VAV1: variants seen among roughly 807,000 people sequenced by gnomAD.
VAV1 encodes the protein vav guanine nucleotide exchange factor 1.
In VAV1, 33 loss-of-function variants were observed where a neutral mutation model predicts 128.1. That is an observed-to-expected ratio of 0.26 (90% CI 0.20 to 0.34). The LOEUF (loss-of-function observed/expected upper bound fraction) is 0.34, where lower values mean the gene tolerates loss of function less well. VAV1 is among the 10% of genes least tolerant of loss of function. The pLI, the probability that VAV1 is intolerant of heterozygous loss-of-function variation, is 1.00. For missense variants in VAV1, 715 were observed against 1,093.7 expected, an observed-to-expected ratio of 0.65 and a Z score of 4.88; for synonymous variants, 394 against 409.8, an observed-to-expected ratio of 0.96 and a Z score of 0.47.
chr19:6,827,817 C>T lies in VAV1; in HGVS notation c.928-259C>T, dbSNP rs1004642829. Among the ~76,000 whole-genome samples, 8 of 149,982 alleles carry T rather than the reference C, an allele frequency of 5.3e-5. No individual in the cohort carries two copies. In the Admixed American group the frequency reaches 5.3e-4, roughly 10 times the overall value. ...GTTTCCCCGTGTTGGCCAGGCTGGT[C>T]TTGAACTCCTGACCTCAAGTGATCC... On this transcript the variant is annotated intron_variant, in intron 9 of 26. Coordinates refer to ENST00000602142, the MANE Select transcript of VAV1 (RefSeq NM_005428.4).
chr19:6,833,888 T>C lies in VAV1; in HGVS notation c.1732-20T>C. The C allele has an allele frequency of 6.2e-7, 1 of 1,614,142 alleles. No homozygotes were observed. Among genetic ancestry groups the C allele is most frequent in the Non-Finnish European group, 8.5e-7 (1 of 1,180,024 alleles). On this transcript the variant is annotated intron_variant, in intron 18 of 26. Transcript: ENST00000602142. ...CAGGCTGGGCATAGGTAGACAGGCT[T>C]TCTTTGTTTCTCCTTCCAGGACAAA...
At chr19:6,836,791 G>A (rs1229374760) in intron 20 of VAV1, among the ~76,000 whole-genome samples, 194 bp from the exon 21 acceptor site, 1 of 150,924 alleles carries the variant, frequency 6.6e-6, no homozygotes, top group Admixed American at 6.6e-5. Context: ...AGGCCATCCT[G>A]AGATAGATGG....
At chr19:6,844,466 C>T (rs907549124) in intron 22 of VAV1, among the ~76,000 whole-genome samples, 4 of 152,174 alleles carry the variant, frequency 2.6e-5, no homozygotes, top group Non-Finnish European at 4.4e-5. Context: ...ATCCACTCGC[C>T]TCAGCCTCCC....
chr19:6,794,017 T>C (rs560551181), intron 1 of VAV1, among the ~76,000 whole-genome samples: 1 of 96,344 alleles, frequency 1.0e-5, no homozygotes, highest in South Asian at 3.1e-4. Context: ...ATAAATGATT[T>C]ATTTACCAAT....
chr19:6,842,940 T>C (rs1208971334), intron 21 of VAV1, among the ~76,000 whole-genome samples, 195 bp from the exon 22 acceptor site: 1 of 152,188 alleles, frequency 6.6e-6, no homozygotes, highest in African/African-American at 2.4e-5. Flanking sequence ...ACCCCTGCTT[T>C]ATATGATACT....
chr19:6,817,895 C>T (rs920693256), intron 1 of VAV1, among the ~76,000 whole-genome samples: 18 of 152,100 alleles, frequency 1.2e-4, no homozygotes, highest in Non-Finnish European at 2.1e-4. Context: ...ACCGTGTTAG[C>T]CAGGATGGTC....
Position 6,822,349 on chromosome 19 carries a change from G to A in VAV1, c.558+20G>A. On this transcript the variant is annotated intron_variant, in intron 5 of 26. Transcript: ENST00000602142. The surrounding 1 kb of genome is among the most constrained non-coding windows in gnomAD (Gnocchi z 5.9). ...ATGCCGGTGCGTGACGTGGAGGGTC[G>A]GGCCTGGGGAGGGCGTGGGCGGGGG... 6.4e-7 allele frequency: 1 copy of A among 1,562,946 alleles called. No individual in the cohort carries two copies. Among genetic ancestry groups the A allele is most frequent in the South Asian group, 1.2e-5 (1 of 85,058 alleles).
At chr19:6,788,612 A>C (rs1970948143) in intron 1 of VAV1, among the ~76,000 whole-genome samples, 1 of 152,030 alleles carries the variant, frequency 6.6e-6, no homozygotes, top group Admixed American at 6.6e-5. Flanking sequence ...ACCTCACGTG[A>C]TCTGCCCACC....
At chr19:6,788,384 T>G (rs1327234880) in intron 1 of VAV1, among the ~76,000 whole-genome samples, 1 of 143,268 alleles carries the variant, frequency 7.0e-6, no homozygotes, top group Non-Finnish European at 1.5e-5. Flanking sequence ...ATTATTATTA[T>G]TATTTTGAGA....
intron 1 of VAV1, among the ~76,000 whole-genome samples, chr19:6,774,426 C>G (rs1464238453): frequency 8.1e-5 from 10 of 123,250 alleles, no homozygotes; most frequent in Middle Eastern, 5.1e-3. Context: ...CCGCGCCCAG[C>G]CTTTTTTTTT....
chr19:6,855,546 A>T lies in VAV1; in HGVS notation c.2484+1448A>T, dbSNP rs148722167. ...ACCCTTCCACTCACGCATCTATCTA[A>T]CCATCTATCCACCTACCCACCCATT... On this transcript the variant is annotated intron_variant, in intron 26 of 26. Transcript: ENST00000602142. Among the ~76,000 whole-genome samples, 1,019 of 151,914 alleles carry T rather than the reference A, an allele frequency of 6.7e-3. 11 individuals carry two copies. Among genetic ancestry groups the T allele is most frequent in the African/African-American group, 0.024 (980 of 41,446 alleles).
chr19:6,796,722 C>T (rs1971144300), intron 1 of VAV1, among the ~76,000 whole-genome samples: 1 of 152,130 alleles, frequency 6.6e-6, no homozygotes. Context: ...TTTAAAATTG[C>T]ACCCCCTCCT....
At chr19:6,797,186 T>G (rs1971154959) in intron 1 of VAV1, among the ~76,000 whole-genome samples, 1 of 148,750 alleles carries the variant, frequency 6.7e-6, no homozygotes, top group Non-Finnish European at 1.5e-5. Context: ...GAGCCGAGAT[T>G]GCAGCACTGC....
chr19:6,784,036 T>C, intron 1 of VAV1: 2 of 402,700 alleles, frequency 5.0e-6, no homozygotes, highest in Non-Finnish European at 8.8e-6. Context: ...GGAGGATTGC[T>C]TGAGGCTAGG....
intron 1 of VAV1, among the ~76,000 whole-genome samples, chr19:6,783,470 CTT>C (rs61101390): frequency 8.8e-5 from 10 of 113,828 alleles, no homozygotes; most frequent in Non-Finnish European, 8.7e-5. Flanking sequence ...CACCTCCATC[CTT>C]TTTTTTTTTT....
intron 1 of VAV1, among the ~76,000 whole-genome samples, chr19:6,816,121 G>A (rs1282129704): frequency 1.3e-5 from 2 of 149,686 alleles, no homozygotes; most frequent in South Asian, 2.1e-4. Flanking sequence ...CTGGGTTCAC[G>A]CCATTCTCCT....
chr19:6,803,526 G>A (rs942081959), intron 1 of VAV1, among the ~76,000 whole-genome samples: 7 of 152,204 alleles, frequency 4.6e-5, no homozygotes, highest in East Asian at 3.9e-4. Context: ...CTACTTCCTC[G>A]TATGGATAAA....
At chr19:6,795,391 C>T (rs1266556001) in intron 1 of VAV1, among the ~76,000 whole-genome samples, 4 of 152,100 alleles carry the variant, frequency 2.6e-5, no homozygotes, top group Non-Finnish European at 5.9e-5. Flanking sequence ...AGGAGCCCTA[C>T]TTCATTGCAG....
chr19:6,833,480 T>C, intron 16 of VAV1, 48 bp from the exon 17 acceptor site: 3 of 1,530,380 alleles, frequency 2.0e-6, no homozygotes, highest in Non-Finnish European at 1.8e-6. Flanking sequence ...TATTTGGCCC[T>C]GTCTGTAAAG....
Sources: allele counts gnomAD v4.1 joint callset (sites outside exome capture counted in the v4.1 genomes callset), GRCh38; gene constraint gnomAD v4.1.1; non-coding constraint Gnocchi (gnomAD v3.1); transcripts MANE v1.5; gene names NCBI Gene and HGNC (gene_info 2026-07-23, HGNC 2026-07-21).